Variants in PKD1 observed in about 807,000 individuals in gnomAD.
The protein encoded by PKD1 is polycystin-1.
Under a neutral mutation model 361.7 loss-of-function variants are expected in PKD1, and 81 were observed. The observed-to-expected ratio is 0.22, with a 90% CI of 0.19 to 0.27. The LOEUF (loss-of-function observed/expected upper bound fraction) is 0.27, where lower values mean the gene tolerates loss of function less well. PKD1 is among the 10% of genes least tolerant of loss of function. The pLI is 1.00. For synonymous variants in PKD1, 3,615 were observed against 2,818.3 expected (o/e 1.28, Z -8.95); for missense variants, 6,399 against 6,118.3 (o/e 1.05, Z -1.53).
At chr16:2,091,947 TC>T in intron 40 of PKD1, 41 bp from the exon 41 acceptor site, 1 of 1,611,630 alleles carries the variant, frequency 6.2e-7, no homozygotes. Flanking sequence ...CCCCAGCCCT[TC>T]CGGCACCCCG....
At chr16:2,112,705 C>T (rs1387178332) in intron 13 of PKD1, 83 bp downstream of exon 13, 5 of 1,446,864 alleles carry the variant, frequency 3.5e-6, no homozygotes, top group South Asian at 1.2e-5. Context: ...AAAGCAACCC[C>T]GTGATGTGGG....
At chr16:2,092,888 G>A (rs1349224049) in intron 38 of PKD1, 66 bp downstream of exon 38, 1 of 1,582,402 alleles carries the variant, frequency 6.3e-7, no homozygotes, top group Non-Finnish European at 8.7e-7. Flanking sequence ...ATGTCCCCTA[G>A]GGTCTGGCTG....
In PKD1 at chr16:2,106,571, C is replaced by T. The variant is rs201021499; in HGVS notation, c.7316G>A (p.Arg2439Gln). 2.8e-4 allele frequency: 450 copies of T among 1,596,458 alleles called. No individual in the cohort carries two copies. Among genetic ancestry groups the T allele is most frequent in the Non-Finnish European group, 3.3e-4 (390 of 1,178,796 alleles). Residue 2439 changes from arginine to glutamine, a missense_variant, in exon 18 of 46, where the codon CGG (arginine) becomes CAG (glutamine). Coordinates refer to ENST00000262304, the MANE Select transcript of PKD1 (RefSeq NM_001009944.3). This position sits in a 1 kb window ranked among gnomAD's most constrained non-coding sequence, Gnocchi z 6.5. ...MRLVLRRGVL[R>Q]DGEGYTFTLT... is the part of the protein sequence containing the mutation. Reference sequence around the variant, plus strand: ...CGTGAAGGTGTATCCCTCGCCGTCCCGCAGCACGCCCCGCCGCAGCACCAG... The same window carrying T: ...CGTGAAGGTGTATCCCTCGCCGTCCTGCAGCACGCCCCGCCGCAGCACCAG...
Position 2,091,492 on chromosome 16 carries a change from G to A in PKD1, c.11643C>T (p.Ala3881=), listed in dbSNP as rs1555445526. The change falls in exon 42 of 46, where the codon GCC becomes GCT. Residue 3881 remains alanine, a synonymous_variant. Transcript: ENST00000262304. ...GCGCAAAGGGGCGGACGCTGAGGGC[G>A]GCCAGGGCGCGGCCGGCCGCCGGGA... is the stretch of plus-strand genomic sequence containing the variant. ...LEFPAAGRAL[A]ALSVRPFALR... The A allele has an allele frequency of 2.1e-6, 3 of 1,398,376 alleles. No homozygotes were observed. Among genetic ancestry groups the A allele is most frequent in the Non-Finnish European group, 2.8e-6 (3 of 1,083,944 alleles). 86.6% of individuals were successfully genotyped at this position (1,398,376 alleles called of 1,614,324 possible).
rs996022102 is a variant in PKD1, at chr16:2,092,747, A to G, written c.11157-155T>C. 1.6e-4 allele frequency: 131 copies of G among 832,620 alleles called. 1 individual carries two copies. In the Admixed American group the frequency reaches 2.5e-3, roughly 16 times the overall value. The allele number at this position is 832,620 out of a possible 1,614,324, so 51.6% of individuals were successfully genotyped here. ...CCTTATCCTGGGGATGTTCTGGGGC[A>G]GACAGTTGTCTGTCATGGGCCCGTC... On this transcript the variant is annotated intron_variant, in intron 38 of 45. Coordinates refer to ENST00000262304, the MANE Select transcript of PKD1 (RefSeq NM_001009944.3).
chr16:2,131,885 T>G (rs2092885681), intron 1 of PKD1: 1 of 152,164 alleles, frequency 6.6e-6, no homozygotes, highest in Non-Finnish European at 1.5e-5. Context: ...CACAACGAAT[T>G]GATCACAGCC....
rs2091892492 is a variant in PKD1, at chr16:2,097,426, T to C, written c.10298A>G (p.Asn3433Ser). ...LLSDPSIVGS[N>S]LRQLARGQAG... ...CTGGCCCCGTGCCAGCTGCCGCAGA[T>C]TGCTACCCACAATGGACGGGTCACT... The change falls in exon 33 of 46, where the codon AAT becomes AGT. Residue 3433 changes from asparagine to serine, a missense_variant. By Grantham distance (46) the Asn-to-Ser change is conservative (BLOSUM62 1). Coordinates refer to ENST00000262304, the MANE Select transcript of PKD1 (RefSeq NM_001009944.3). 1 of 1,608,526 alleles carries C rather than the reference T, an allele frequency of 6.2e-7. No homozygotes were observed. The highest frequency in any genetic ancestry group is 8.5e-7 in the Non-Finnish European group (1 of 1,179,908).
Position 2,098,213 on chromosome 16 carries a change from T to A in PKD1, c.10051-229A>T, listed in dbSNP as rs539216647. 17 of 591,152 alleles carry A rather than the reference T, an allele frequency of 2.9e-5. 1 individual carries two copies. In the South Asian group the frequency reaches 3.4e-4, roughly 12 times the overall value. 36.6% of individuals were successfully genotyped at this position (591,152 alleles called of 1,614,324 possible). A position where few individuals can be genotyped will look rare whatever the true frequency, so the allele number is the denominator to read the frequency against. Reference sequence around the variant, plus strand: ...GCAGCTAAGGAACAGAGTTTTAAATTTCATATTTTCTTTTTTAGATGGAGT... The same window carrying A: ...GCAGCTAAGGAACAGAGTTTTAAATATCATATTTTCTTTTTTAGATGGAGT... On this transcript the variant is annotated intron_variant, in intron 30 of 45. Transcript: ENST00000262304.
chr16:2,102,342 C>G lies in PKD1; in HGVS notation c.9201+39G>C, dbSNP rs1396886487. Reference sequence around the variant, plus strand: ...GAGCCGAGCCCACCCAGGCCCTCCTCGACTCTGCAGAGGCTCCCAGGAGCA... The same window carrying G: ...GAGCCGAGCCCACCCAGGCCCTCCTGGACTCTGCAGAGGCTCCCAGGAGCA... On this transcript the variant is annotated intron_variant, in intron 25 of 45. Coordinates refer to ENST00000262304, the MANE Select transcript of PKD1 (RefSeq NM_001009944.3). 10 of 1,546,020 alleles carry G rather than the reference C, an allele frequency of 6.5e-6. No individual in the cohort carries two copies. In the Admixed American group the frequency reaches 1.8e-4, roughly 27 times the overall value.
Position 2,108,361 on chromosome 16 carries a change from G to A in PKD1, c.6806C>T (p.Ser2269Leu). ...IIEGGSYRVW[S>L]DTRDLVLDGS... The stretch of plus-strand genomic sequence containing the variant: ...ATCCAGCACCAGGTCCCGTGTGTCT[G>A]ACCACACGCGGTATGAGCCACCCTC... The change falls in exon 15 of 46, where the codon TCA becomes TTA. Residue 2269 changes from serine (S) to leucine (L), a missense_variant. Physicochemically the swap from Ser to Leu is moderately radical, Grantham distance 145. Coordinates refer to ENST00000262304, the MANE Select transcript of PKD1 (RefSeq NM_001009944.3). 6.2e-7 allele frequency: 1 copy of A among 1,609,956 alleles called. No individual in the cohort carries two copies. The highest frequency in any genetic ancestry group is 8.5e-7 in the Non-Finnish European group (1 of 1,179,240).
intron 42 of PKD1, 43 bp from the exon 43 acceptor site, chr16:2,091,217 GGCGGGGCCCTGC>G (rs1423834437): frequency 8.7e-7 from 1 of 1,153,996 alleles, no homozygotes; most frequent in South Asian, 2.0e-5. Flanking sequence ...ACGCTGCCGG[GGCGGGGCCCTGC>G]GAGGGGGCGG....
At position 2,117,513 on chromosome 16, in the gene PKD1, C is replaced by T. The variant is rs1244006755; in HGVS notation, c.1361G>A (p.Arg454His). ...LAMVDSPAVQ[R>H]FLVSRVTRSL... ...CCTGGTGACCCGGGAGACCAGGAAG[C>T]GCTGCACGGCGGGACTGTCCACCAT... The change falls in exon 6 of 46, where the codon CGC (arginine) becomes CAC (histidine). Residue 454 changes from arginine to histidine, a missense_variant. Transcript: ENST00000262304. 8 of 1,573,898 alleles carry T rather than the reference C, an allele frequency of 5.1e-6. No homozygotes were observed. Among genetic ancestry groups the T allele is most frequent in the Admixed American group, 1.8e-5 (1 of 55,302 alleles).
In PKD1 at chr16:2,100,467, T is replaced by C; in HGVS notation, c.9497A>G (p.Asp3166Gly). Residue 3166 changes from aspartate (D) to glycine (G), a missense_variant, in exon 27 of 46, where the codon GAC becomes GGC. Transcript: ENST00000262304. The surrounding 1 kb of genome is among the most constrained non-coding windows in gnomAD (Gnocchi z 4.4). ...GTGCGGGGTGGCGATCCGGAAGATG[T>C]CCAGGCTGTTGCGGTGGAAGGCTCT... is the stretch of plus-strand genomic sequence containing the variant. The part of the protein sequence containing the change: ...GDRAFHRNSL[D>G]IFRIATPHSL... 1 of 1,610,850 alleles carries C rather than the reference T, an allele frequency of 6.2e-7. No individual in the cohort carries two copies. The highest frequency in any genetic ancestry group is 1.3e-5 in the African/African-American group (1 of 74,970).
intron 42 of PKD1, 79 bp downstream of exon 42, chr16:2,091,344 A>T (rs1189584847): frequency 1.7e-6 from 1 of 602,622 alleles, no homozygotes; most frequent in Non-Finnish European, 2.0e-6. Flanking sequence ...GAGGGGTGAG[A>T]CGCTGCCGGG....
In PKD1 at chr16:2,099,071, A is replaced by G. The variant is rs576756989; in HGVS notation, c.10050+573T>C. ...GGTCTCGAACTCCTGACCTCAAGTG[A>G]TCTGCCCGCCTCGGCCTCCCAAAGT... On this transcript the variant is annotated intron_variant, in intron 30 of 45. Transcript: ENST00000262304. 139 of 215,164 alleles carry G rather than the reference A, an allele frequency of 6.5e-4. 1 individual carries two copies. In the Middle Eastern group the frequency reaches 8.0e-3, roughly 12 times the overall value. The allele number at this position is 215,164 out of a possible 1,614,324, so 13.3% of individuals were successfully genotyped here.
At position 2,090,432 on chromosome 16, in the gene PKD1, T is replaced by G; in HGVS notation, c.12297A>C (p.Leu4099=). 6.2e-7 allele frequency: 1 copy of G among 1,612,448 alleles called. No individual in the cohort carries two copies. The part of the protein sequence containing the change: ...GLWALRLWGA[L]RLGAVILRWR... ...AGCGGAGAATAACAGCCCCCAGCCG[T>G]AGGGCGCCCCACAGCCGCAGTGCCC... The change falls in exon 45 of 46, where the codon CTA becomes CTC. Residue 4099 remains leucine, a synonymous_variant. Transcript: ENST00000262304.
At chr16:2,112,095 G>A (rs1047363717) in intron 14 of PKD1, among the ~76,000 whole-genome samples, 1 of 152,238 alleles carries the variant, frequency 6.6e-6, no homozygotes, top group African/African-American at 2.4e-5. Context: ...CTGCACTCGG[G>A]GCAGCAGAGC....
rs549574801 is a variant in PKD1 at position 2,111,088 on chromosome 16, A to G, written c.4079T>C (p.Val1360Ala). 1 of 1,610,636 alleles carries G rather than the reference A, an allele frequency of 6.2e-7. No homozygotes were observed. Among genetic ancestry groups the G allele is most frequent in the East Asian group, 2.2e-5 (1 of 44,868 alleles). The change falls in exon 15 of 46, where the codon GTG (valine) becomes GCG (alanine). Residue 1360 changes from valine to alanine, a missense_variant. By Grantham distance (64) the Val-to-Ala change is moderately conservative. Transcript: ENST00000262304. The part of the protein sequence containing the change: ...TRSGTFPLAL[V>A]LSSRVNRAHY... ...CGCCCTGTTCACGCGGCTGGACAGCACCAGCGCCAGGGGGAACGTGCCGCT... is the reference window on the plus strand; with the variant it reads ...CGCCCTGTTCACGCGGCTGGACAGCGCCAGCGCCAGGGGGAACGTGCCGCT...
chr16:2,110,393 G>A lies in PKD1; in HGVS notation c.4774C>T (p.Pro1592Ser), dbSNP rs780745069. 6 of 1,612,612 alleles carry A rather than the reference G, an allele frequency of 3.7e-6. No individual in the cohort carries two copies. Among genetic ancestry groups the A allele is most frequent in the Admixed American group, 1.7e-5 (1 of 60,020 alleles). Residue 1592 changes from proline to serine, a missense_variant, in exon 15 of 46, where the codon CCT (proline) becomes TCT (serine). Physicochemically the swap from Pro to Ser is moderately conservative, Grantham distance 74. Transcript: ENST00000262304. Reference sequence around the variant, plus strand: ...GTGTAAGAGATGGTAGGACCCCCAGGGATGGGCGTGCAGCGGTCACAGAGC... The same window carrying A: ...GTGTAAGAGATGGTAGGACCCCCAGAGATGGGCGTGCAGCGGTCACAGAGC... Reference protein sequence around the residue: ...WVLCDRCTPIPGGPTISYTFR... With the variant: ...WVLCDRCTPISGGPTISYTFR...
Sources: allele counts gnomAD v4.1 joint callset (sites outside exome capture counted in the v4.1 genomes callset), GRCh38; gene constraint gnomAD v4.1.1; non-coding constraint Gnocchi (gnomAD v3.1); transcripts MANE v1.5; gene names NCBI Gene and HGNC (gene_info 2026-07-23, HGNC 2026-07-21).